The following CSMD1 variants were observed in gnomAD, a reference collection of about 807,000 sequenced individuals.
The protein encoded by CSMD1 is CUB and sushi domain-containing protein 1.
In CSMD1, 213 loss-of-function variants were observed where a neutral mutation model predicts 417.5. That is an observed-to-expected ratio of 0.51 (90% confidence interval 0.46 to 0.57). CSMD1 has a LOEUF of 0.57. Among genes scored for constraint, CSMD1 ranks in the 20% least tolerant of loss-of-function variants. The pLI, the probability that CSMD1 is intolerant of heterozygous loss-of-function variation, is 0.00. For synonymous variants in CSMD1, 2,862 were observed against 1,736.8 expected (o/e 1.65, Z -16.11); for missense variants, 6,923 against 4,529.7 (o/e 1.53, Z -15.17).
At chr8:4,454,045 A>T (rs951878542) in intron 2 of CSMD1, among the ~76,000 whole-genome samples, 18 of 151,638 alleles carry the variant, frequency 1.2e-4, no homozygotes, top group African/African-American at 4.1e-4. Context: ...GATGGTCTCG[A>T]TCTCCTGACC....
intron 3 of CSMD1, among the ~76,000 whole-genome samples, chr8:4,165,558 T>C (rs1797410422): frequency 6.6e-6 from 1 of 152,152 alleles, no homozygotes; most frequent in Non-Finnish European, 1.5e-5. Flanking sequence ...TGCACCACCA[T>C]GCCCAGCTAA....
intron 1 of CSMD1, among the ~76,000 whole-genome samples, chr8:4,847,474 A>T (rs12680966): frequency 1.4e-4 from 22 of 151,992 alleles, no homozygotes; most frequent in East Asian, 5.8e-4. Flanking sequence ...CCATACACCT[A>T]ATACCCGACT....
rs962009503 is a variant in CSMD1 at position 4,602,687 on chromosome 8, T to C, written c.302+34655A>G. ...TACTTCTTGGCTTGAAATGACTTAA[T>C]TGTCTTAAGATCTTCATTGTTGTTA... On this transcript the variant is annotated intron_variant, in intron 2 of 69. Coordinates refer to ENST00000635120, the MANE Select transcript of CSMD1 (RefSeq NM_033225.6). 5.3e-5 allele frequency among the ~76,000 whole-genome samples: 8 copies of C among 152,176 alleles called. No homozygotes were observed. The East Asian group carries it at 1.5e-3, about 29-fold the overall frequency.
At chr8:3,373,117 G>T (rs1034602014) in intron 18 of CSMD1, among the ~76,000 whole-genome samples, 2 of 152,124 alleles carry the variant, frequency 1.3e-5, no homozygotes, top group East Asian at 3.8e-4. Flanking sequence ...CCCAAAATCT[G>T]CATGTTATAT....
intron 5 of CSMD1, among the ~76,000 whole-genome samples, chr8:3,862,488 A>G (rs187814019): frequency 3.9e-4 from 59 of 152,310 alleles, no homozygotes; most frequent in South Asian, 1.5e-3. Flanking sequence ...CAGAACTCAA[A>G]GTTCGCCTTT....
At chr8:4,855,136 A>AC (rs1399657344) in intron 1 of CSMD1, among the ~76,000 whole-genome samples, 2 of 151,156 alleles carry the variant, frequency 1.3e-5, no homozygotes, top group African/African-American at 4.8e-5. Flanking sequence ...ACTGGGAGGC[A>AC]CCCCCCAGCA....
intron 4 of CSMD1, among the ~76,000 whole-genome samples, chr8:4,018,234 ACT>A (rs1796616787): frequency 6.6e-6 from 1 of 152,170 alleles, no homozygotes; most frequent in African/African-American, 2.4e-5. Context: ...CAGGATTCTG[ACT>A]TTTTATGATT....
At chr8:3,953,292 A>T (rs191577983) in intron 5 of CSMD1, among the ~76,000 whole-genome samples, 2 of 152,300 alleles carry the variant, frequency 1.3e-5, no homozygotes, top group East Asian at 3.9e-4. Context: ...TCAACTCAGA[A>T]ATTCTCTCAT....
chr8:3,830,801 C>G (rs952138355), intron 5 of CSMD1, among the ~76,000 whole-genome samples: 1 of 152,182 alleles, frequency 6.6e-6, no homozygotes, highest in African/African-American at 2.4e-5. Flanking sequence ...AAAATGCTAA[C>G]TGAAATAAAA....
intron 42 of CSMD1, among the ~76,000 whole-genome samples, chr8:3,115,970 A>C (rs907464119): frequency 5.9e-5 from 9 of 152,204 alleles, no homozygotes; most frequent in African/African-American, 2.2e-4. Context: ...GTCAATTAAT[A>C]AAATACATGT....
chr8:2,967,668 C>A (rs1268601189), intron 57 of CSMD1, among the ~76,000 whole-genome samples: 1 of 152,124 alleles, frequency 6.6e-6, no homozygotes, highest in Admixed American at 6.5e-5. Flanking sequence ...GAATATATAT[C>A]ATGAGACTGC....
At chr8:3,371,807 G>T (rs922514727) in intron 18 of CSMD1, among the ~76,000 whole-genome samples, 5 of 152,206 alleles carry the variant, frequency 3.3e-5, no homozygotes, top group African/African-American at 7.2e-5. Flanking sequence ...ATAATTTCTA[G>T]AATATTTTAA....
intron 5 of CSMD1, among the ~76,000 whole-genome samples, chr8:3,758,230 C>T (rs1449199734): frequency 6.6e-6 from 1 of 152,186 alleles, no homozygotes; most frequent in South Asian, 2.1e-4. Flanking sequence ...TCCCAGAGTG[C>T]TAGGGTTACA....
At chr8:3,994,719 T>C (rs926316703) in intron 5 of CSMD1, among the ~76,000 whole-genome samples, 4 of 152,170 alleles carry the variant, frequency 2.6e-5, no homozygotes, top group Non-Finnish European at 5.9e-5. Flanking sequence ...TTTTGGCACA[T>C]GACATCATCC....
At chr8:3,700,655 T>TGAGG (rs1800806913) in intron 7 of CSMD1, 1 of 152,158 alleles carries the variant, frequency 6.6e-6, no homozygotes, top group South Asian at 2.1e-4. Flanking sequence ...AGAAACGATG[T>TGAGG]GAGGGAGGGA....
intron 1 of CSMD1, among the ~76,000 whole-genome samples, chr8:4,703,094 G>C (rs1280525385): frequency 1.3e-5 from 2 of 152,172 alleles, no homozygotes; most frequent in Admixed American, 1.3e-4. Context: ...ATTTGCATTT[G>C]AGTAATGTGG....
At chr8:3,526,964 G>C (rs1797779129) in intron 10 of CSMD1, among the ~76,000 whole-genome samples, 1 of 151,960 alleles carries the variant, frequency 6.6e-6, no homozygotes, top group African/African-American at 2.4e-5. Context: ...ATGTTGTTGG[G>C]TGCAGCCCTC....
intron 1 of CSMD1, among the ~76,000 whole-genome samples, chr8:4,761,003 G>T (rs140931298): frequency 6.6e-6 from 1 of 151,988 alleles, no homozygotes. Flanking sequence ...CTTTATCATT[G>T]TGAGTAGCAG....
intron 12 of CSMD1, among the ~76,000 whole-genome samples, chr8:3,461,402 A>G (rs117834555): frequency 0.034 from 5,120 of 152,256 alleles, 167 homozygotes; most frequent in East Asian, 0.15. Flanking sequence ...CCCTAAATCC[A>G]CGGCCATAAT....
Sources: allele counts gnomAD v4.1 joint callset (sites outside exome capture counted in the v4.1 genomes callset), GRCh38; gene constraint gnomAD v4.1.1; transcripts MANE v1.5; gene names NCBI Gene and HGNC (gene_info 2026-07-23, HGNC 2026-07-21).